Variants in CPNE4 observed in about 807,000 individuals in gnomAD.
CPNE4 encodes copine 4, also known as copine-4.
CPNE4 carries 25 observed loss-of-function variants against 67.9 expected under a neutral mutation model. That is an observed-to-expected ratio of 0.37 (90% confidence interval 0.27 to 0.51). CPNE4 has a LOEUF of 0.51. Ranked by LOEUF, CPNE4 falls within the 20% of genes least tolerant of loss-of-function variation. CPNE4 has a pLI of 0.93. For synonymous variants in CPNE4, 242 were observed against 244.9 expected (o/e 0.99, Z 0.11); for missense variants, 464 against 690.8 (o/e 0.67, Z 3.68).
At chr3:131,866,145 C>G (rs544393473) in intron 2 of CPNE4, among the ~76,000 whole-genome samples, 2 of 152,322 alleles carry the variant, frequency 1.3e-5, no homozygotes, top group East Asian at 3.9e-4. Context: ...CATACAGGAT[C>G]TGGATGGCAC....
chr3:131,816,166 T>G (rs1316354971), intron 2 of CPNE4, among the ~76,000 whole-genome samples: 2 of 152,192 alleles, frequency 1.3e-5, no homozygotes, highest in Admixed American at 1.3e-4. Context: ...AGCTACTTAA[T>G]TATATGTGCT....
chr3:131,821,920 T>A (rs929555384), intron 2 of CPNE4, among the ~76,000 whole-genome samples: 2 of 152,184 alleles, frequency 1.3e-5, no homozygotes, highest in African/African-American at 4.8e-5. Context: ...CCACCCCGAA[T>A]AATTCTTCAA....
At chr3:131,959,894 A>C (rs1394694072) in intron 1 of CPNE4, among the ~76,000 whole-genome samples, 1 of 152,216 alleles carries the variant, frequency 6.6e-6, no homozygotes, top group African/African-American at 2.4e-5. Context: ...GTTTCTTTTT[A>C]ATGACTAGCC....
intron 2 of CPNE4, among the ~76,000 whole-genome samples, chr3:131,750,847 T>A (rs1006146462): frequency 1.3e-5 from 2 of 152,158 alleles, no homozygotes; most frequent in African/African-American, 4.8e-5. Flanking sequence ...GGTGACAATT[T>A]TTTTTTAGTT....
At chr3:131,921,434 G>A (rs771263084) in intron 1 of CPNE4, among the ~76,000 whole-genome samples, 1 of 152,148 alleles carries the variant, frequency 6.6e-6, no homozygotes, top group Non-Finnish European at 1.5e-5. Flanking sequence ...ATACTTGATC[G>A]TGTGCCATGA....
chr3:131,937,954 A>T (rs2071273132), intron 1 of CPNE4, among the ~76,000 whole-genome samples: 1 of 152,136 alleles, frequency 6.6e-6, no homozygotes, highest in Non-Finnish European at 1.5e-5. Flanking sequence ...TTGTAAGATA[A>T]ATAAAGGACT....
At chr3:131,598,660 C>A (rs547555436) in intron 7 of CPNE4, among the ~76,000 whole-genome samples, 5 of 152,310 alleles carry the variant, frequency 3.3e-5, no homozygotes, top group Admixed American at 6.5e-5. Context: ...TCTTCACATC[C>A]TGGGCCCTTT....
At chr3:131,866,352 C>A (rs952057160) in intron 2 of CPNE4, among the ~76,000 whole-genome samples, 1 of 152,164 alleles carries the variant, frequency 6.6e-6, no homozygotes, top group Non-Finnish European at 1.5e-5. Context: ...CTGAGGCCTC[C>A]GGGATCCTCT....
intron 1 of CPNE4, among the ~76,000 whole-genome samples, chr3:132,024,941 G>A (rs1192652486): frequency 1.3e-5 from 2 of 152,148 alleles, no homozygotes; most frequent in Non-Finnish European, 2.9e-5. Flanking sequence ...TAAGGCACTG[G>A]TTCCCAAAGT....
rs116527197 is a variant in CPNE4 at position 132,002,467 on chromosome 3, A to G, written c.-2+32100T>C. Among the ~76,000 whole-genome samples, 820 of 152,212 alleles carry G rather than the reference A, an allele frequency of 5.4e-3. 9 individuals carry two copies. The highest frequency in any genetic ancestry group is 0.019 in the African/African-American group (770 of 41,554). ...TTCTTGCCACATCTTACTCAAATACATTTCTTCTTTTTTCCCAAGTTTATC... is the reference window on the plus strand; with the variant it reads ...TTCTTGCCACATCTTACTCAAATACGTTTCTTCTTTTTTCCCAAGTTTATC... On this transcript the variant is annotated intron_variant, in intron 1 of 15. Coordinates refer to ENST00000429747, the MANE Select transcript of CPNE4 (RefSeq NM_130808.3).
At position 131,534,716 on chromosome 3, in the gene CPNE4, T is replaced by C. The variant is rs1026691234; in HGVS notation, c.*479A>G. Reference sequence around the variant, plus strand: ...TTAGAGATAACAACTGCAAAAACCATGTGGGTTTTTCTTTTTTTATTTTAA... The same window carrying C: ...TTAGAGATAACAACTGCAAAAACCACGTGGGTTTTTCTTTTTTTATTTTAA... On this transcript the variant is annotated 3_prime_UTR_variant, in exon 16 of 16. Transcript: ENST00000429747. 7.2e-5 allele frequency: 11 copies of C among 152,524 alleles called. No homozygotes were observed. Among genetic ancestry groups the C allele is most frequent in the African/African-American group, 2.4e-4 (10 of 41,454 alleles). 9.4% of individuals were successfully genotyped at this position (152,524 alleles called of 1,614,324 possible).
intron 1 of CPNE4, among the ~76,000 whole-genome samples, chr3:131,953,252 A>AAATAAT (rs1560669291): frequency 6.9e-6 from 1 of 143,950 alleles, no homozygotes; most frequent in Admixed American, 6.9e-5. Context: ...AAAAAAAAAA[A>AAATAAT]AAAAAAAAAA....
intron 3 of CPNE4, among the ~76,000 whole-genome samples, chr3:131,708,595 A>G (rs1416375780): frequency 6.6e-6 from 1 of 152,036 alleles, no homozygotes; most frequent in Non-Finnish European, 1.5e-5. Flanking sequence ...GCCTCTGAAT[A>G]AACCTTCTGA....
At position 131,746,075 on chromosome 3, in the gene CPNE4, T is replaced by C. The variant is rs2082480532; in HGVS notation, c.181-22450A>G. Among the ~76,000 whole-genome samples the C allele has an allele frequency of 1.3e-5, 2 of 152,160 alleles. 1 individual carries two copies. Among genetic ancestry groups the C allele is most frequent in the South Asian group, 4.1e-4 (2 of 4,826 alleles). On this transcript the variant is annotated intron_variant, in intron 2 of 15. Coordinates refer to ENST00000429747, the MANE Select transcript of CPNE4 (RefSeq NM_130808.3). ...TTTCTTTCATTCACATTATGTAGTTTTCAGCTTCAAGTTCTGTATATGTTT... is the reference window on the plus strand; with the variant it reads ...TTTCTTTCATTCACATTATGTAGTTCTCAGCTTCAAGTTCTGTATATGTTT...
At chr3:131,720,283 G>GT (rs2081847049) in intron 3 of CPNE4, among the ~76,000 whole-genome samples, 1 of 136,496 alleles carries the variant, frequency 7.3e-6, no homozygotes, top group Admixed American at 8.5e-5. Flanking sequence ...AACAGGAATG[G>GT]GTTTTTTTTT....
intron 1 of CPNE4, among the ~76,000 whole-genome samples, chr3:131,912,579 T>C (rs2089019786): frequency 6.6e-6 from 1 of 152,112 alleles, no homozygotes; most frequent in Non-Finnish European, 1.5e-5. Flanking sequence ...GAACATCCAC[T>C]CGCTCAACCA....
chr3:131,922,213 G>A (rs141042182), intron 1 of CPNE4, among the ~76,000 whole-genome samples: 1 of 152,240 alleles, frequency 6.6e-6, no homozygotes, highest in East Asian at 1.9e-4. Context: ...CAGGATAATG[G>A]CCTCCAGCTG....
intron 1 of CPNE4, among the ~76,000 whole-genome samples, chr3:132,003,704 G>C (rs987926694): frequency 6.6e-6 from 1 of 152,080 alleles, no homozygotes; most frequent in African/African-American, 2.4e-5. Context: ...CATCTTTTTA[G>C]TATGCTTCCT....
chr3:131,590,741 C>T (rs976261529), intron 7 of CPNE4, among the ~76,000 whole-genome samples: 3 of 152,116 alleles, frequency 2.0e-5, no homozygotes, highest in Non-Finnish European at 4.4e-5. Context: ...GTAGTAAAGT[C>T]AAGCAGACAG....
Sources: allele counts gnomAD v4.1 joint callset (sites outside exome capture counted in the v4.1 genomes callset), GRCh38; gene constraint gnomAD v4.1.1; transcripts MANE v1.5; gene names NCBI Gene and HGNC (gene_info 2026-07-23, HGNC 2026-07-21).